Variants in HIGD2A observed in about 807,000 individuals in gnomAD.
HIGD2A encodes HIG1 hypoxia inducible domain family member 2A, also known as HIG1 domain family member 2A, mitochondrial.
Under a neutral mutation model 6.3 loss-of-function variants are expected in HIGD2A, and 4 were observed. That is an observed-to-expected ratio of 0.64 (90% CI 0.31 to 1.46). The LOEUF (loss-of-function observed/expected upper bound fraction) is 1.46, where lower values mean the gene tolerates loss of function less well. HIGD2A is among the 40% of genes most tolerant of loss of function. The pLI, the probability that HIGD2A is intolerant of heterozygous loss-of-function variation, is 0.07. For synonymous variants in HIGD2A, 63 were observed against 59.3 expected (o/e 1.06, Z -0.29); for missense variants, 143 against 144.8 (o/e 0.99, Z 0.06).
rs1319776282 is a variant in HIGD2A, at chr5:176,388,813, C to A, written c.-7C>A. 1 of 1,611,618 alleles carries A rather than the reference C, an allele frequency of 6.2e-7. No homozygotes were observed. Among genetic ancestry groups the A allele is most frequent in the Middle Eastern group, 1.7e-4 (1 of 5,956 alleles). ...TCCCGATTTTCTCCTGCTGCTGTGG[C>A]CCGGACATGGCGACTCCCGGCCCTG... is the stretch of plus-strand genomic sequence containing the variant. On this transcript the variant is annotated 5_prime_UTR_variant, in exon 1 of 2. Transcript: ENST00000274787.
chr5:176,389,541 A>C lies in HIGD2A; in HGVS notation c.*44A>C. 6.4e-7 allele frequency: 1 copy of C among 1,564,030 alleles called. No individual in the cohort carries two copies. Among genetic ancestry groups the C allele is most frequent in the Non-Finnish European group, 8.7e-7 (1 of 1,151,580 alleles). ...AAAGCTCCGCAGAAATGATTCCAAA[A>C]CCCAGGGAGCAACCACTGGCCCTAC... On this transcript the variant is annotated 3_prime_UTR_variant, in exon 2 of 2. Transcript: ENST00000274787.
rs1295756513 is a variant in HIGD2A, at chr5:176,389,390, A to G, written c.214A>G (p.Ser72Gly). The stretch of plus-strand genomic sequence containing the variant: ...CCTCTACTCCTTCCACCGGGGCAAC[A>G]GCCAGCGCTCTCAGCTCATGATGCG... ...YGLYSFHRGNSQRSQLMMRTR... is the reference protein window; with the variant it reads ...YGLYSFHRGNGQRSQLMMRTR... The change falls in exon 2 of 2, where the codon AGC becomes GGC. Residue 72 changes from serine (S) to glycine (G), a missense_variant. Coordinates refer to ENST00000274787, the MANE Select transcript of HIGD2A (RefSeq NM_138820.4). The G allele has an allele frequency of 6.2e-7, 1 of 1,614,126 alleles. No homozygotes were observed. The highest frequency in any genetic ancestry group is 8.5e-7 in the Non-Finnish European group (1 of 1,180,010).
chr5:176,389,645 C>T lies in HIGD2A; in HGVS notation c.*148C>T, dbSNP rs1435036415. ...AAGTGACCCTTTGTGTAACTGTAAC[C>T]GAAAGTTTTTTCAAAAATCCTAGAT... is the stretch of plus-strand genomic sequence containing the variant. On this transcript the variant is annotated 3_prime_UTR_variant, in exon 2 of 2. Coordinates refer to ENST00000274787, the MANE Select transcript of HIGD2A (RefSeq NM_138820.4). 3 of 826,672 alleles carry T rather than the reference C, an allele frequency of 3.6e-6. No individual in the cohort carries two copies. In the East Asian group the frequency reaches 8.7e-5, roughly 24 times the overall value. The allele number at this position is 826,672 out of a possible 1,614,324, so 51.2% of individuals were successfully genotyped here. A position where few individuals can be genotyped will look rare whatever the true frequency, so the allele number is the denominator to read the frequency against.
In HIGD2A at chr5:176,388,769, C is replaced by G. The variant is rs749778599; in HGVS notation, c.-51C>G. 6.3e-7 allele frequency: 1 copy of G among 1,593,508 alleles called. No individual in the cohort carries two copies. Among genetic ancestry groups the G allele is most frequent in the East Asian group, 2.2e-5 (1 of 44,780 alleles). ...TCCCCGCCCCTTTCATGACCTTCACCGGGAGGCTGAGGTCGGAGTCCCGAT... is the reference window on the plus strand; with the variant it reads ...TCCCCGCCCCTTTCATGACCTTCACGGGGAGGCTGAGGTCGGAGTCCCGAT... On this transcript the variant is annotated 5_prime_UTR_variant, in exon 1 of 2. Coordinates refer to ENST00000274787, the MANE Select transcript of HIGD2A (RefSeq NM_138820.4).
In HIGD2A at chr5:176,388,986, G is replaced by C. The variant is rs576769278; in HGVS notation, c.154+13G>C. 3 of 1,613,520 alleles carry C rather than the reference G, an allele frequency of 1.9e-6. No homozygotes were observed. The highest frequency in any genetic ancestry group is 2.5e-6 in the Non-Finnish European group (3 of 1,179,802). On this transcript the variant is annotated intron_variant, in intron 1 of 1. Transcript: ENST00000274787. ...GTGGTACCCATAGGTAAGTGGGTGC[G>C]GTAGGAACTGCACAAGGAGAGGACA...
intron 1 of HIGD2A, 38 bp downstream of exon 1, chr5:176,389,011 AG>A: frequency 3.1e-6 from 5 of 1,610,732 alleles, no homozygotes; most frequent in Non-Finnish European, 4.2e-6. Context: ...AGGAGAGGAC[AG>A]TGATGTCGGA....
Position 176,389,353 on chromosome 5 carries a change from C to T in HIGD2A, c.177C>T (p.Ala59=). ...VPIGCLATAA[A]LTYGLYSFHR... ...CAGGTTGCCTGGCCACGGCGGCCGC[C>T]CTCACCTACGGCCTCTACTCCTTCC... The change falls in exon 2 of 2, where the codon GCC becomes GCT. Residue 59 remains alanine (A), a synonymous_variant. Coordinates refer to ENST00000274787, the MANE Select transcript of HIGD2A (RefSeq NM_138820.4). 3.7e-6 allele frequency: 6 copies of T among 1,613,788 alleles called. No individual in the cohort carries two copies. Among genetic ancestry groups the T allele is most frequent in the Non-Finnish European group, 5.1e-6 (6 of 1,179,846 alleles).
rs1444267423 is a variant in HIGD2A, at chr5:176,388,798, C to T, written c.-22C>T. On this transcript the variant is annotated 5_prime_UTR_variant, in exon 1 of 2. Coordinates refer to ENST00000274787, the MANE Select transcript of HIGD2A (RefSeq NM_138820.4). ...AGGCTGAGGTCGGAGTCCCGATTTT[C>T]TCCTGCTGCTGTGGCCCGGACATGG... is the stretch of plus-strand genomic sequence containing the variant. 1 of 1,606,672 alleles carries T rather than the reference C, an allele frequency of 6.2e-7. No homozygotes were observed. Among genetic ancestry groups the T allele is most frequent in the Admixed American group, 1.7e-5 (1 of 58,182 alleles).
At position 176,388,795 on chromosome 5, in the gene HIGD2A, T is replaced by C; in HGVS notation, c.-25T>C. 2 of 1,605,978 alleles carry C rather than the reference T, an allele frequency of 1.2e-6. No homozygotes were observed. The highest frequency in any genetic ancestry group is 1.7e-6 in the Non-Finnish European group (2 of 1,176,622). On this transcript the variant is annotated 5_prime_UTR_variant, in exon 1 of 2. Transcript: ENST00000274787. ...GGGAGGCTGAGGTCGGAGTCCCGAT[T>C]TTCTCCTGCTGCTGTGGCCCGGACA...
At position 176,389,721 on chromosome 5, in the gene HIGD2A, C is replaced by T. The variant is rs1756183778; in HGVS notation, c.*224C>T. On this transcript the variant is annotated 3_prime_UTR_variant, in exon 2 of 2. Transcript: ENST00000274787. Reference sequence around the variant, plus strand: ...CTATTTGTGCCACATCTCCCCTCCACTCCCCTGCTTAATAAACTCTAAAAA... The same window carrying T: ...CTATTTGTGCCACATCTCCCCTCCATTCCCCTGCTTAATAAACTCTAAAAA... The T allele has an allele frequency of 2.1e-6, 1 of 471,216 alleles. No individual in the cohort carries two copies. The highest frequency in any genetic ancestry group is 3.7e-6 in the Non-Finnish European group (1 of 266,706). 29.2% of individuals were successfully genotyped at this position (471,216 alleles called of 1,614,324 possible).
At chr5:176,389,210 C>T in intron 1 of HIGD2A, 121 bp from the exon 2 acceptor site, 1 of 1,265,394 alleles carries the variant, frequency 7.9e-7, no homozygotes, top group Admixed American at 2.1e-5. Flanking sequence ...CTCGACCTAC[C>T]CTCGCCGCCC....
In HIGD2A at chr5:176,389,625, A is replaced by G; in HGVS notation, c.*128A>G. The G allele has an allele frequency of 9.7e-7, 1 of 1,034,046 alleles. No individual in the cohort carries two copies. Among genetic ancestry groups the G allele is most frequent in the Non-Finnish European group, 1.4e-6 (1 of 723,562 alleles). The allele number at this position is 1,034,046 out of a possible 1,614,324, so 64.1% of individuals were successfully genotyped here. On this transcript the variant is annotated 3_prime_UTR_variant, in exon 2 of 2. Transcript: ENST00000274787. Reference sequence around the variant, plus strand: ...CCCATGTGTCGCTGGGGAGGAAGTGACCCTTTGTGTAACTGTAACCGAAAG... The same window carrying G: ...CCCATGTGTCGCTGGGGAGGAAGTGGCCCTTTGTGTAACTGTAACCGAAAG...
At position 176,388,937 on chromosome 5, in the gene HIGD2A, G is replaced by T. The variant is rs1162590497; in HGVS notation, c.118G>T (p.Val40Phe). The change falls in exon 1 of 2, where the codon GTT becomes TTT. Residue 40 changes from valine to phenylalanine, a missense_variant. Transcript: ENST00000274787. ...TCCAGAGAGTTTCAAGGAAAAGTTC[G>T]TTCGCAAGACCCGCGAGAACCCGGT... Reference protein sequence around the residue: ...RNPESFKEKFVRKTRENPVVP... With the variant: ...RNPESFKEKFFRKTRENPVVP... 6.2e-6 allele frequency: 10 copies of T among 1,614,056 alleles called. No individual in the cohort carries two copies. Among genetic ancestry groups the T allele is most frequent in the African/African-American group, 1.3e-5 (1 of 74,908 alleles).
At chr5:176,389,023 GGGAA>G in intron 1 of HIGD2A, 50 bp downstream of exon 1, 2 of 1,603,604 alleles carry the variant, frequency 1.2e-6, no homozygotes, top group South Asian at 2.2e-5. Flanking sequence ...TGATGTCGGA[GGGAA>G]GGAAGTAGAG....
At chr5:176,389,159 G>A (rs776817036) in intron 1 of HIGD2A, among the ~76,000 whole-genome samples, 172 bp from the exon 2 acceptor site, 1 of 152,076 alleles carries the variant, frequency 6.6e-6, no homozygotes, top group Admixed American at 6.5e-5. Flanking sequence ...CGGGATTTGG[G>A]GCCTAAGATT....
In HIGD2A at chr5:176,388,795, T is replaced by A; in HGVS notation, c.-25T>A. ...GGGAGGCTGAGGTCGGAGTCCCGAT[T>A]TTCTCCTGCTGCTGTGGCCCGGACA... On this transcript the variant is annotated 5_prime_UTR_variant, in exon 1 of 2. Coordinates refer to ENST00000274787, the MANE Select transcript of HIGD2A (RefSeq NM_138820.4). The A allele has an allele frequency of 6.2e-7, 1 of 1,605,978 alleles. No homozygotes were observed. The highest frequency in any genetic ancestry group is 8.5e-7 in the Non-Finnish European group (1 of 1,176,622).
intron 1 of HIGD2A, 86 bp from the exon 2 acceptor site, chr5:176,389,245 T>C (rs968157068): frequency 4.1e-6 from 6 of 1,470,272 alleles, no homozygotes; most frequent in African/African-American, 1.4e-5. Context: ...TCCAGAGATC[T>C]TGGCTTTGGG....
chr5:176,389,190 A>C (rs997134503), intron 1 of HIGD2A, 141 bp from the exon 2 acceptor site: 2 of 1,116,782 alleles, frequency 1.8e-6, no homozygotes, highest in Non-Finnish European at 2.6e-6. Flanking sequence ...TGTAACTAGG[A>C]AGACCTCGAC....
At position 176,389,474 on chromosome 5, in the gene HIGD2A, A is replaced by G. The variant is rs753207980; in HGVS notation, c.298A>G (p.Thr100Ala). Residue 100 changes from threonine to alanine, a missense_variant, in exon 2 of 2, where the codon ACT becomes GCT. Coordinates refer to ENST00000274787, the MANE Select transcript of HIGD2A (RefSeq NM_138820.4). ...VAAILLGLAV[T>A]AMKSRP ...AGCCATCTTGCTGGGTCTGGCTGTCACTGCTATGAAGTCTCGACCCTAAGC... is the reference window on the plus strand; with the variant it reads ...AGCCATCTTGCTGGGTCTGGCTGTCGCTGCTATGAAGTCTCGACCCTAAGC... The G allele has an allele frequency of 6.2e-7, 1 of 1,613,826 alleles. No individual in the cohort carries two copies. The highest frequency in any genetic ancestry group is 1.1e-5 in the South Asian group (1 of 91,054).
Sources: gnomAD v4.1 joint callset for allele counts (sites outside exome capture counted in the v4.1 genomes callset) on GRCh38, gnomAD v4.1.1 for gene constraint, MANE v1.5 for transcripts, NCBI Gene and HGNC (gene_info 2026-07-23, HGNC 2026-07-21) for gene names.